SLC20A1: variants seen among roughly 807,000 people sequenced by gnomAD.
The protein encoded by SLC20A1 is sodium-dependent phosphate transporter 1.
SLC20A1 carries 28 observed loss-of-function variants against 62.7 expected under a neutral mutation model. The observed-to-expected ratio is 0.45, with a 90% confidence interval of 0.33 to 0.61. The LOEUF (loss-of-function observed/expected upper bound fraction) is 0.61. Ranked by LOEUF, SLC20A1 falls within the 20% of genes least tolerant of loss-of-function variation. The pLI is 0.02. For missense variants in SLC20A1, 673 were observed against 838.6 expected (o/e 0.80, Z 2.44); for synonymous variants, 305 against 302.9 (o/e 1.01, Z -0.07).
At chr2:112,653,200 A>G in intron 5 of SLC20A1, 1 of 287,306 alleles carries the variant, frequency 3.5e-6, no homozygotes, top group Non-Finnish European at 6.9e-6. Flanking sequence ...TCTCTCCCAA[A>G]TGGAGATACT....
chr2:112,658,764 A>ACG, intron 6 of SLC20A1, 61 bp from the exon 7 acceptor site: 1 of 1,506,944 alleles, frequency 6.6e-7, no homozygotes, highest in African/African-American at 1.4e-5. Flanking sequence ...AGGAAAGGAG[A>ACG]CGTGGAACAA....
Position 112,660,399 on chromosome 2 carries a change from G to T in SLC20A1, c.1620G>T (p.Gly540=). ...TTGTTTCTTCCAGCAATGCCATTGG[G>T]CCTCTGGTTGCTTTATATTTGGTTT... The part of the protein sequence containing the change: ...HGGNDVSNAI[G]PLVALYLVYD... Residue 540 remains glycine, a synonymous_variant, in exon 9 of 11, where the codon GGG becomes GGT. Coordinates refer to ENST00000272542, the MANE Select transcript of SLC20A1 (RefSeq NM_005415.5). 1 of 1,613,926 alleles carries T rather than the reference G, an allele frequency of 6.2e-7. No homozygotes were observed. The highest frequency in any genetic ancestry group is 8.5e-7 in the Non-Finnish European group (1 of 1,179,928).
chr2:112,650,596 G>T (rs1686407125), intron 4 of SLC20A1, among the ~76,000 whole-genome samples: 1 of 151,936 alleles, frequency 6.6e-6, no homozygotes, highest in Admixed American at 6.6e-5. Context: ...CTCCCAAAGT[G>T]CTGGGATTAC....
Position 112,647,449 on chromosome 2 carries a change from G to C in SLC20A1, c.460G>C (p.Glu154Gln), listed in dbSNP as rs760040356. The change falls in exon 3 of 11, where the codon GAA becomes CAA. Residue 154 changes from glutamate (E) to glutamine (Q), a missense_variant. By Grantham distance (29) the Glu-to-Gln change is conservative (BLOSUM62 2). Coordinates refer to ENST00000272542, the MANE Select transcript of SLC20A1 (RefSeq NM_005415.5). ...GGGGCAGGAGGGTGTCAAGTGGTCT[G>C]AACTGATAAAAATTGGTATGTTTAA... is the stretch of plus-strand genomic sequence containing the variant. ...AKGQEGVKWS[E>Q]LIKIVMSWFV... The C allele has an allele frequency of 1.2e-6, 2 of 1,610,172 alleles. No homozygotes were observed. The highest frequency in any genetic ancestry group is 2.7e-5 in the African/African-American group (2 of 74,528).
At position 112,663,271 on chromosome 2, in the gene SLC20A1, G is replaced by A. The variant is rs1686799504; in HGVS notation, c.*246G>A. On this transcript the variant is annotated 3_prime_UTR_variant, in exon 11 of 11. Coordinates refer to ENST00000272542, the MANE Select transcript of SLC20A1 (RefSeq NM_005415.5). ...GAGGTCCCCTTTCCTTCTGGGCTGT[G>A]AATTCCTGTACATATTTCTCTACTT... 2 of 559,286 alleles carry A rather than the reference G, an allele frequency of 3.6e-6. No individual in the cohort carries two copies. The highest frequency in any genetic ancestry group is 1.6e-5 in the South Asian group (1 of 62,344). The allele number at this position is 559,286 out of a possible 1,614,324, so 34.6% of individuals were successfully genotyped here. A position where few individuals can be genotyped will look rare whatever the true frequency, so the allele number is the denominator to read the frequency against.
At chr2:112,655,693 A>G (rs552783681) in intron 5 of SLC20A1, among the ~76,000 whole-genome samples, 71 of 152,022 alleles carry the variant, frequency 4.7e-4, no homozygotes, top group Non-Finnish European at 9.1e-4. Context: ...ATAGTGCTTT[A>G]CTTCTTTTCG....
chr2:112,656,748 T>TA (rs5833453), intron 5 of SLC20A1, among the ~76,000 whole-genome samples: 118,609 of 152,138 alleles, frequency 0.78, 47,222 homozygotes, highest in East Asian at 1. Flanking sequence ...ATGTGGCAGT[T>TA]ACGATCATGA....
rs149802130 is a variant in SLC20A1, at chr2:112,651,695, C to T, written c.562-1007C>T. ...TGCTGGGATTACAGGTGTGAGCCAC[C>T]GCGCCCAGCCTCCTCCCATTCTTTC... On this transcript the variant is annotated intron_variant, in intron 4 of 10. Transcript: ENST00000272542. Among the ~76,000 whole-genome samples the T allele has an allele frequency of 3.1e-3, 472 of 152,240 alleles. 3 individuals are homozygous for T. Among genetic ancestry groups the T allele is most frequent in the African/African-American group, 9.9e-3 (411 of 41,540 alleles).
chr2:112,646,883 G>A lies in SLC20A1; in HGVS notation c.55G>A (p.Val19Met), dbSNP rs149661034. The A allele has an allele frequency of 7.9e-4, 1,268 of 1,613,874 alleles. No individual in the cohort carries two copies. The highest frequency in any genetic ancestry group is 8.6e-4 in the Non-Finnish European group (1,017 of 1,179,922). The change falls in exon 2 of 11, where the codon GTG (valine) becomes ATG (methionine). Residue 19 changes from valine to methionine, a missense_variant. Physicochemically the swap from Val to Met is conservative, Grantham distance 21. Transcript: ENST00000272542. ...TAATAASGPL[V>M]DYLWMLILGF... ...TGCTACCGCCGCTTCTGGTCCTTTG[G>A]TGGACTACCTATGGATGCTCATCCT... is the stretch of plus-strand genomic sequence containing the variant.
rs1686293577 is a variant in SLC20A1, at chr2:112,646,856, G to T, written c.28G>T (p.Ala10Ser). Residue 10 changes from alanine to serine, a missense_variant, in exon 2 of 11, where the codon GCT becomes TCT. Coordinates refer to ENST00000272542, the MANE Select transcript of SLC20A1 (RefSeq NM_005415.5). ...GGCAACGCTGATTACCAGTACTACAGCTGCTACCGCCGCTTCTGGTCCTTT... is the reference window on the plus strand; with the variant it reads ...GGCAACGCTGATTACCAGTACTACATCTGCTACCGCCGCTTCTGGTCCTTT... MATLITSTT[A>S]ATAASGPLVD... The T allele has an allele frequency of 3.1e-6, 5 of 1,613,016 alleles. No homozygotes were observed. The Admixed American group carries it at 8.3e-5, about 27-fold the overall frequency.
chr2:112,663,169 A>G lies in SLC20A1; in HGVS notation c.*144A>G, dbSNP rs200389756. The stretch of plus-strand genomic sequence containing the variant: ...AGAGGAGGGAAGTGTTACTTGTGCT[A>G]TAACTGCTTTTGTGCTAAATATGAA... On this transcript the variant is annotated 3_prime_UTR_variant, in exon 11 of 11. Transcript: ENST00000272542. 1,258 of 965,396 alleles carry G rather than the reference A, an allele frequency of 1.3e-3. 3 individuals carry two copies. Among genetic ancestry groups the G allele is most frequent in the Middle Eastern group, 4.2e-3 (20 of 4,760 alleles). The allele number at this position is 965,396 out of a possible 1,614,324, so 59.8% of individuals were successfully genotyped here.
Position 112,647,344 on chromosome 2 carries a change from G to C in SLC20A1, c.355G>C (p.Val119Leu). The change falls in exon 3 of 11, where the codon GTG becomes CTG. Residue 119 changes from valine to leucine, a missense_variant. By Grantham distance (32) the Val-to-Leu change is conservative. Transcript: ENST00000272542. ...TTCAGGTTCTGCTGTGTGGCAACTC[G>C]TGGCTTCGTTTTTGAAGCTCCCTAT... ...AMFGSAVWQL[V>L]ASFLKLPISG... 6.2e-7 allele frequency: 1 copy of C among 1,613,602 alleles called. No homozygotes were observed. The highest frequency in any genetic ancestry group is 1.3e-5 in the African/African-American group (1 of 74,936).
chr2:112,660,301 A>G (rs2104650735), intron 8 of SLC20A1, 86 bp from the exon 9 acceptor site: 1 of 1,206,156 alleles, frequency 8.3e-7, no homozygotes, highest in East Asian at 2.3e-5. Context: ...TACTTTAGAC[A>G]ACCTGGTAGA....
At chr2:112,655,157 C>T (rs1376782839) in intron 5 of SLC20A1, among the ~76,000 whole-genome samples, 7 of 151,888 alleles carry the variant, frequency 4.6e-5, no homozygotes, top group African/African-American at 9.6e-5. Flanking sequence ...TTAGTAGATA[C>T]GTGGTTTCAC....
At chr2:112,652,315 A>G in intron 4 of SLC20A1, 1 of 189,780 alleles carries the variant, frequency 5.3e-6, no homozygotes, top group Non-Finnish European at 1.1e-5. Context: ...GAAGTCAGGT[A>G]AGCAACATCC....
intron 4 of SLC20A1, among the ~76,000 whole-genome samples, chr2:112,647,960 G>A (rs1419356865): frequency 6.6e-6 from 1 of 152,182 alleles, no homozygotes; most frequent in Non-Finnish European, 1.5e-5. Flanking sequence ...ATACTATGAT[G>A]TGCCAAGAAG....
chr2:112,658,880 G>T lies in SLC20A1; in HGVS notation c.834G>T (p.Leu278Phe). ...ESPLMEKKNSLKEDHEETKLS... is the reference protein window; with the variant it reads ...ESPLMEKKNSFKEDHEETKLS... ...CCTTAATGGAAAAAAAGAATAGCTT[G>T]AAAGAAGACCATGAAGAAACAAAGT... Residue 278 changes from leucine (L) to phenylalanine (F), a missense_variant, in exon 7 of 11, where the codon TTG becomes TTT. Transcript: ENST00000272542. 6.2e-7 allele frequency: 1 copy of T among 1,614,022 alleles called. No individual in the cohort carries two copies. The highest frequency in any genetic ancestry group is 1.3e-5 in the African/African-American group (1 of 75,024).
intron 5 of SLC20A1, among the ~76,000 whole-genome samples, chr2:112,653,660 C>CT (rs34094856): frequency 1.8e-4 from 21 of 113,560 alleles, no homozygotes; most frequent in African/African-American, 5.0e-4. Context: ...CAAATTCTCT[C>CT]TTTTTTTTTT....
In SLC20A1 at chr2:112,660,439, G is replaced by A; in HGVS notation, c.1660G>A (p.Val554Ile). 6.2e-7 allele frequency: 1 copy of A among 1,614,142 alleles called. No individual in the cohort carries two copies. The highest frequency in any genetic ancestry group is 1.1e-5 in the South Asian group (1 of 91,086). ...ALYLVYDTGD[V>I]SSKVATPIWL... is the part of the protein sequence containing the mutation. ...ATATTTGGTTTATGACACAGGAGAT[G>A]TTTCTTCAAAAGTGGCAACACCAAT... The change falls in exon 9 of 11, where the codon GTT (valine) becomes ATT (isoleucine). Residue 554 changes from valine (V) to isoleucine (I), a missense_variant. Val to Ile is a conservative substitution (Grantham distance 29, BLOSUM62 3). Coordinates refer to ENST00000272542, the MANE Select transcript of SLC20A1 (RefSeq NM_005415.5).
Sources: allele counts gnomAD v4.1 joint callset (sites outside exome capture counted in the v4.1 genomes callset), GRCh38; gene constraint gnomAD v4.1.1; transcripts MANE v1.5; gene names NCBI Gene and HGNC (gene_info 2026-07-23, HGNC 2026-07-21).